CFAP92: variants seen among roughly 807,000 people sequenced by gnomAD.
CFAP92 encodes the protein uncharacterized protein CFAP92.
Under a neutral mutation model 106.3 loss-of-function variants are expected in CFAP92, and 86 were observed. The ratio of observed to expected loss-of-function variants is 0.81; its 90% CI spans 0.68 to 0.97. The LOEUF (loss-of-function observed/expected upper bound fraction) is 0.97, where lower values mean the gene tolerates loss of function less well. Ranked by LOEUF, CFAP92 falls within the 50% of genes least tolerant of loss-of-function variation. CFAP92 has a pLI of 0.00. For missense variants in CFAP92, 1,204 were observed against 1,283.8 expected (o/e 0.94, Z 0.95); for synonymous variants, 477 against 506.4 (o/e 0.94, Z 0.78).
At chr3:129,025,011 G>C in the CFAP92 span, among the ~76,000 whole-genome samples, 1 of 152,154 alleles carries the variant, frequency 6.6e-6, no homozygotes, top group Non-Finnish European at 1.5e-5. Context: ...CTGAGGGAGG[G>C]AGGAGCAGAT....
intron 4 of CFAP92, among the ~76,000 whole-genome samples, chr3:128,983,744 T>C (rs1045232886): frequency 6.6e-6 from 1 of 152,220 alleles, no homozygotes; most frequent in Non-Finnish European, 1.5e-5. Context: ...AGGCAGGCCT[T>C]ACCACAAGGG....
At chr3:128,912,276 T>G (rs187585506) in intron 15 of CFAP92, among the ~76,000 whole-genome samples, 2 of 152,152 alleles carry the variant, frequency 1.3e-5, no homozygotes, top group Admixed American at 1.3e-4. Context: ...CCCCATGAGA[T>G]CTGGGGGTTA....
chr3:128,932,953 G>T lies in CFAP92; in HGVS notation c.2498C>A (p.Thr833Lys), dbSNP rs61738926. The T allele has an allele frequency of 6.5e-7, 1 of 1,536,060 alleles. No homozygotes were observed. The highest frequency in any genetic ancestry group is 1.2e-5 in the South Asian group (1 of 84,060). Residue 833 changes from threonine to lysine, a missense_variant, in exon 12 of 16, where the codon ACG becomes AAG. Coordinates refer to ENST00000645291, the MANE Select transcript of CFAP92 (RefSeq NM_001394090.1). ...AGAGGAGGGCAGCAGGTCCCTCACC[G>T]TCACGTCCCAGAGGGTGGTGCTGTT... is the stretch of plus-strand genomic sequence containing the variant. ...CYNSTTLWDV[T>K]VRDLLPSSAM...
intron 9 of CFAP92, among the ~76,000 whole-genome samples, chr3:128,961,878 TGA>T (rs1941951471): frequency 6.6e-6 from 1 of 152,212 alleles, no homozygotes; most frequent in Non-Finnish European, 1.5e-5. Flanking sequence ...GCCTCCACTG[TGA>T]GACAAATCCC....
Position 128,945,783 on chromosome 3 carries a change from G to A in CFAP92, c.1546C>T (p.Arg516Cys), listed in dbSNP as rs371737554. Residue 516 changes from arginine to cysteine, a missense_variant, in exon 10 of 16, where the codon CGC becomes TGC. Physicochemically the swap from Arg to Cys is radical, Grantham distance 180. Transcript: ENST00000645291. ...PMVVEVHDRD[R>C]KSEECSQKPV... is the part of the protein sequence containing the mutation. ...TTCTGAGAACACTCCTCTGACTTGC[G>A]GTCCCGGTCGTGAACTTCCACCACC... 25 of 1,529,700 alleles carry A rather than the reference G, an allele frequency of 1.6e-5. No individual in the cohort carries two copies. Among genetic ancestry groups the A allele is most frequent in the African/African-American group, 9.6e-5 (7 of 72,836 alleles). The allele number at this position is 1,529,700 out of a possible 1,614,324, so 94.8% of individuals were successfully genotyped here. A position where few individuals can be genotyped will look rare whatever the true frequency, so the allele number is the denominator to read the frequency against.
In CFAP92 at chr3:128,935,230, A is replaced by G. The variant is rs1468997197; in HGVS notation, c.2348T>C (p.Ile783Thr). 2 of 1,535,936 alleles carry G rather than the reference A, an allele frequency of 1.3e-6. No homozygotes were observed. Among genetic ancestry groups the G allele is most frequent in the African/African-American group, 1.4e-5 (1 of 73,042 alleles). The change falls in exon 11 of 16, where the codon ATC becomes ACC. Residue 783 changes from isoleucine (I) to threonine (T), a missense_variant. Coordinates refer to ENST00000645291, the MANE Select transcript of CFAP92 (RefSeq NM_001394090.1). ...CTGGAAGAGGTGCACGTGGTACAGGATGGCCTCCAGGTCCCCATAGAGCCG... is the reference window on the plus strand; with the variant it reads ...CTGGAAGAGGTGCACGTGGTACAGGGTGGCCTCCAGGTCCCCATAGAGCCG... ...RSRLYGDLEAILYHVHLFQPT... is the reference protein window; with the variant it reads ...RSRLYGDLEATLYHVHLFQPT...
At chr3:129,004,769 T>A (rs1005278322), upstream of CFAP92, among the ~76,000 whole-genome samples, 4 of 152,120 alleles carry the variant, frequency 2.6e-5, no homozygotes, top group African/African-American at 9.7e-5. Flanking sequence ...TGGGTACTGC[T>A]ATGTTTCCAC....
intron 12 of CFAP92, among the ~76,000 whole-genome samples, chr3:128,919,164 G>A (rs527758871): frequency 2.4e-3 from 367 of 151,878 alleles, no homozygotes; most frequent in African/African-American, 8.5e-3. Flanking sequence ...GGCTGGTCTC[G>A]AACGCCAGAC....
chr3:128,942,034 A>G (rs1441129698), intron 10 of CFAP92, among the ~76,000 whole-genome samples: 4 of 152,206 alleles, frequency 2.6e-5, no homozygotes, highest in African/African-American at 7.2e-5. Flanking sequence ...TCTGCCCAGC[A>G]TTAGCCAAAC....
intron 12 of CFAP92, among the ~76,000 whole-genome samples, chr3:128,929,849 G>A (rs1464582195): frequency 1.3e-5 from 2 of 152,076 alleles, no homozygotes; most frequent in Admixed American, 6.5e-5. Context: ...TTGTGATGAT[G>A]GTGTTATAAC....
intron 12 of CFAP92, among the ~76,000 whole-genome samples, chr3:128,917,144 T>C (rs1289618119): frequency 1.3e-5 from 2 of 152,224 alleles, no homozygotes; most frequent in Non-Finnish European, 2.9e-5. Context: ...CCTCAGACTT[T>C]GGAGCACCTG....
chr3:128,987,728 G>A lies in CFAP92; in HGVS notation c.555C>T (p.His185=), dbSNP rs766476243. 6.2e-7 allele frequency: 1 copy of A among 1,613,882 alleles called. No individual in the cohort carries two copies. The highest frequency in any genetic ancestry group is 2.2e-5 in the East Asian group (1 of 44,884). ...TGTTCCAGAGCCTCAAGGTGATTTT[G>A]TGGAAATTTATTTTCTTTAATAATT... is the stretch of plus-strand genomic sequence containing the variant. ...TKELLKKINF[H]KITLRLWNTK... The change falls in exon 4 of 16, where the codon CAC becomes CAT. Residue 185 remains histidine (H), a synonymous_variant. Transcript: ENST00000645291.
chr3:128,968,332 AAT>A, intron 8 of CFAP92: 1 of 152,348 alleles, frequency 6.6e-6, no homozygotes, highest in Non-Finnish European at 1.5e-5. Context: ...CTAGCCAACC[AAT>A]ATTTACTAAT....
chr3:128,998,261 AAT>A (rs1434149546), upstream of CFAP92, among the ~76,000 whole-genome samples: 2 of 152,190 alleles, frequency 1.3e-5, no homozygotes, highest in Non-Finnish European at 2.9e-5. Context: ...ATATTTTCTT[AAT>A]AGTGTCTTTT....
At chr3:128,941,800 A>G (rs934900706) in intron 10 of CFAP92, among the ~76,000 whole-genome samples, 9 of 152,218 alleles carry the variant, frequency 5.9e-5, no homozygotes, top group Admixed American at 5.9e-4. Context: ...TAGATAATAT[A>G]TTATTTTCAT....
chr3:128,933,432 C>G (rs968128616), intron 11 of CFAP92, among the ~76,000 whole-genome samples: 5 of 152,246 alleles, frequency 3.3e-5, no homozygotes, highest in African/African-American at 7.2e-5. Flanking sequence ...CTCAGCAAAG[C>G]TCAAGGACCT....
rs1243853588 is a variant in CFAP92, at chr3:128,965,503, A to T, written c.1353+8T>A. The T allele has an allele frequency of 5.0e-6, 2 of 398,902 alleles. No individual in the cohort carries two copies. Among genetic ancestry groups the T allele is most frequent in the Non-Finnish European group, 4.4e-6 (1 of 226,072 alleles). 24.7% of individuals were successfully genotyped at this position (398,902 alleles called of 1,614,324 possible). On this transcript the variant is annotated splice_region_variant and intron_variant, in intron 9 of 15. Transcript: ENST00000645291. ...GCTCTAAACTCCATGGGTCCGGCTC[A>T]TTCTTACCTCTAGTTCCTGAATGGG...
chr3:129,001,578 G>A, intron 1 of CFAP92: 7 of 1,347,092 alleles, frequency 5.2e-6, no homozygotes, highest in Non-Finnish European at 6.6e-6. Context: ...GGAAGTGGCG[G>A]GGCGAAGGGA....
chr3:128,991,307 G>A (rs1009501477), intron 2 of CFAP92, among the ~76,000 whole-genome samples: 2 of 152,138 alleles, frequency 1.3e-5, no homozygotes, highest in African/African-American at 2.4e-5. Flanking sequence ...ATGACAAAAA[G>A]TTCAGTTCAC....
Sources: gnomAD v4.1 joint callset for allele counts (sites outside exome capture counted in the v4.1 genomes callset) on GRCh38, gnomAD v4.1.1 for gene constraint, MANE v1.5 for transcripts, NCBI Gene and HGNC (gene_info 2026-07-23, HGNC 2026-07-21) for gene names.